Variants in STON2 observed in about 807,000 individuals in gnomAD.
STON2 encodes stonin-2.
In STON2, 29 loss-of-function variants were observed where a neutral mutation model predicts 65.7. That is an observed-to-expected ratio of 0.44 (90% CI 0.33 to 0.60). STON2 has a LOEUF of 0.60. Among genes scored for constraint, STON2 ranks in the 20% least tolerant of loss-of-function variants. STON2 has a pLI of 0.03. For synonymous variants in STON2, 404 were observed against 414.2 expected (o/e 0.98, Z 0.30); for missense variants, 1,054 against 1,118.1 (o/e 0.94, Z 0.82).
chr14:81,356,257 T>G (rs913386996), intron 4 of STON2, among the ~76,000 whole-genome samples: 3 of 152,152 alleles, frequency 2.0e-5, no homozygotes, highest in Non-Finnish European at 1.5e-5. Flanking sequence ...CTGCATCTAT[T>G]GAGATAATCA....
At chr14:81,359,296 A>G (rs1595392426) in intron 4 of STON2, among the ~76,000 whole-genome samples, 1 of 152,372 alleles carries the variant, frequency 6.6e-6, no homozygotes, top group East Asian at 1.9e-4. Context: ...CAATGGGTCA[A>G]AGAAGAAATT....
chr14:81,269,798 C>G (rs1169946538), intron 7 of STON2: 1 of 985,308 alleles, frequency 1.0e-6, no homozygotes, highest in African/African-American at 1.7e-5. Flanking sequence ...GAATTTCTAA[C>G]TCCCCAGGAA....
intron 6 of STON2, among the ~76,000 whole-genome samples, chr14:81,273,660 C>T (rs991057617): frequency 2.0e-5 from 3 of 151,918 alleles, no homozygotes; most frequent in Admixed American, 6.6e-5. Flanking sequence ...GCGGGAGTCA[C>T]GTTGGAATTC....
intron 4 of STON2, among the ~76,000 whole-genome samples, chr14:81,366,594 C>T (rs1187613247): frequency 1.3e-5 from 2 of 152,010 alleles, no homozygotes; most frequent in Non-Finnish European, 1.5e-5. Context: ...CAATGACAAA[C>T]ATCTCCCCAA....
chr14:81,321,323 G>A (rs1000773048), intron 5 of STON2, among the ~76,000 whole-genome samples: 2 of 150,266 alleles, frequency 1.3e-5, no homozygotes, highest in African/African-American at 2.5e-5. Context: ...TTGAGCCCAG[G>A]AGATCAAGAC....
intron 5 of STON2, among the ~76,000 whole-genome samples, chr14:81,288,724 G>A (rs1284645643): frequency 1.3e-5 from 2 of 150,182 alleles, no homozygotes; most frequent in African/African-American, 5.0e-5. Flanking sequence ...GAAAAGAAGT[G>A]AAAAGGGGGC....
intron 4 of STON2, among the ~76,000 whole-genome samples, chr14:81,362,951 A>G (rs1898560792): frequency 6.6e-6 from 1 of 152,170 alleles, no homozygotes; most frequent in African/African-American, 2.4e-5. Flanking sequence ...AAATAAGCAC[A>G]TGATGGGGGT....
At chr14:81,364,525 G>C (rs1303393094) in intron 4 of STON2, among the ~76,000 whole-genome samples, 2 of 152,052 alleles carry the variant, frequency 1.3e-5, no homozygotes, top group African/African-American at 4.8e-5. Context: ...GCCAATTTAT[G>C]TATGTTTGGG....
chr14:81,371,398 C>T (rs568955079), intron 3 of STON2, among the ~76,000 whole-genome samples: 3 of 151,988 alleles, frequency 2.0e-5, no homozygotes, highest in Non-Finnish European at 4.4e-5. Flanking sequence ...AAAACCAGTA[C>T]GAAAAGTAAG....
chr14:81,296,377 G>A (rs540237723), intron 5 of STON2, among the ~76,000 whole-genome samples: 107 of 152,160 alleles, frequency 7.0e-4, no homozygotes, highest in Non-Finnish European at 9.6e-4. Flanking sequence ...AGACAAAAAT[G>A]AGGTAATGGG....
intron 4 of STON2, among the ~76,000 whole-genome samples, chr14:81,340,492 G>A (rs1156526049): frequency 6.6e-6 from 1 of 152,182 alleles, no homozygotes; most frequent in African/African-American, 2.4e-5. Flanking sequence ...TTAAAATCAG[G>A]GGAGATGAGC....
rs1054627007 is a variant in STON2, at chr14:81,329,500, G to A, written c.572-5313C>T. On this transcript the variant is annotated intron_variant, in intron 4 of 7. Coordinates refer to ENST00000614646, the MANE Select transcript of STON2 (RefSeq NM_001394390.1). ...GAGAGACAAAGATACAGGGGAAAAC[G>A]TCATGAGAAGATGGAGGCAGAGACT... is the stretch of plus-strand genomic sequence containing the variant. Among the ~76,000 whole-genome samples, 41 of 151,312 alleles carry A rather than the reference G, an allele frequency of 2.7e-4. 1 individual carries two copies. Among genetic ancestry groups the A allele is most frequent in the Middle Eastern group, 6.9e-3 (2 of 290 alleles).
rs888095825 is a variant in STON2, at chr14:81,264,475, C to G, written c.*3939G>C. On this transcript the variant is annotated 3_prime_UTR_variant, in exon 8 of 8. Coordinates refer to ENST00000614646, the MANE Select transcript of STON2 (RefSeq NM_001394390.1). ...CATGAGTATACGTTTGCCCTCCTGGCAAGCATTTAAGGTGGCTGAACCCTA... is the reference window on the plus strand; with the variant it reads ...CATGAGTATACGTTTGCCCTCCTGGGAAGCATTTAAGGTGGCTGAACCCTA... 29 of 985,278 alleles carry G rather than the reference C, an allele frequency of 2.9e-5. No individual in the cohort carries two copies. In the African/African-American group the frequency reaches 4.7e-4, roughly 16 times the overall value. 61.0% of individuals were successfully genotyped at this position (985,278 alleles called of 1,614,324 possible). A position where few individuals can be genotyped will look rare whatever the true frequency, so the allele number is the denominator to read the frequency against.
chr14:81,429,353 G>C (rs1007525470), intron 1 of STON2, among the ~76,000 whole-genome samples: 1 of 152,222 alleles, frequency 6.6e-6, no homozygotes, highest in African/African-American at 2.4e-5. Flanking sequence ...TTCCAGGTTA[G>C]ACTGCAAGTG....
Position 81,265,213 on chromosome 14 carries a change from T to C in STON2, c.*3201A>G, listed in dbSNP as rs895482182. The C allele has an allele frequency of 6.1e-6, 6 of 984,442 alleles. No homozygotes were observed. In the African/African-American group the frequency reaches 8.7e-5, roughly 14 times the overall value. The allele number at this position is 984,442 out of a possible 1,614,324, so 61.0% of individuals were successfully genotyped here. Reference sequence around the variant, plus strand: ...CCACTTGTATTTTCTTTAGAAGTTATTTAAACCTAGTAAAACACTCATTAC... The same window carrying C: ...CCACTTGTATTTTCTTTAGAAGTTACTTAAACCTAGTAAAACACTCATTAC... On this transcript the variant is annotated 3_prime_UTR_variant, in exon 8 of 8. Transcript: ENST00000614646.
chr14:81,270,898 T>C (rs1471527703), intron 6 of STON2, 26 bp from the exon 7 acceptor site: 2 of 1,605,608 alleles, frequency 1.2e-6, no homozygotes, highest in South Asian at 2.2e-5. Flanking sequence ...AATCGAGAGA[T>C]CAGATTATTT....
At chr14:81,372,599 C>A (rs1899057420) in intron 3 of STON2, among the ~76,000 whole-genome samples, 1 of 148,198 alleles carries the variant, frequency 6.7e-6, no homozygotes, top group East Asian at 2.0e-4. Flanking sequence ...TGCAAATTTA[C>A]CAACAGGTAC....
chr14:81,436,048 G>A (rs573080683), intron 1 of STON2: 5 of 152,384 alleles, frequency 3.3e-5, no homozygotes, highest in African/African-American at 9.6e-5. Flanking sequence ...TCTGTGTATG[G>A]GGCCAGGTGT....
At chr14:81,278,799 T>C (rs1894990746) in intron 5 of STON2, 60 bp from the exon 6 acceptor site, 2 of 1,332,562 alleles carry the variant, frequency 1.5e-6, no homozygotes, top group Non-Finnish European at 2.0e-6. Context: ...TAAGGAAAAC[T>C]GAAGTATAGG....
Sources: allele counts gnomAD v4.1 joint callset (sites outside exome capture counted in the v4.1 genomes callset), GRCh38; gene constraint gnomAD v4.1.1; transcripts MANE v1.5; gene names NCBI Gene and HGNC (gene_info 2026-07-23, HGNC 2026-07-21).